KCNIP3: variants seen among roughly 807,000 people sequenced by gnomAD.
The protein encoded by KCNIP3 is potassium voltage-gated channel interacting protein 3.
A neutral mutation model predicts 35.0 loss-of-function variants in KCNIP3; 28 were observed. The ratio of observed to expected loss-of-function variants is 0.80; its 90% CI spans 0.59 to 1.10. The LOEUF is 1.10. KCNIP3 is among the 50% of genes least tolerant of loss of function. The pLI is 0.00. For missense variants in KCNIP3, 295 were observed against 338.4 expected, an observed-to-expected ratio of 0.87 and a Z score of 1.01; for synonymous variants, 134 against 133.8, an observed-to-expected ratio of 1.00 and a Z score of -0.01.
intron 2 of KCNIP3, among the ~76,000 whole-genome samples, chr2:95,342,589 G>A (rs945020438): frequency 1.3e-5 from 2 of 152,210 alleles, no homozygotes; most frequent in African/African-American, 4.8e-5. Context: ...CATGGGGCAC[G>A]CAGCGTTGCC....
chr2:95,328,535 C>T (rs1403134349), intron 2 of KCNIP3, among the ~76,000 whole-genome samples: 4 of 152,314 alleles, frequency 2.6e-5, no homozygotes, highest in South Asian at 4.1e-4. Context: ...GTGGGCTGGA[C>T]GCCGCTGCGT....
At chr2:95,373,216 A>C (rs550428736) in intron 2 of KCNIP3, among the ~76,000 whole-genome samples, 3 of 152,338 alleles carry the variant, frequency 2.0e-5, no homozygotes, top group African/African-American at 7.2e-5. Context: ...CTCTGTAATT[A>C]TGCGAGGATG....
chr2:95,374,489 C>A, intron 3 of KCNIP3, 69 bp downstream of exon 3: 1 of 1,564,368 alleles, frequency 6.4e-7, no homozygotes. Flanking sequence ...GAAACTTCTC[C>A]ATGCCACAGT....
chr2:95,321,935 A>G (rs1447651956), intron 2 of KCNIP3, among the ~76,000 whole-genome samples: 1 of 152,010 alleles, frequency 6.6e-6, no homozygotes, highest in Non-Finnish European at 1.5e-5. Context: ...GGGACCTCAA[A>G]GGCCACTCAA....
Position 95,375,151 on chromosome 2 carries a change from T to C in KCNIP3, c.390T>C (p.Tyr130=). 6.2e-7 allele frequency: 1 copy of C among 1,614,146 alleles called. No individual in the cohort carries two copies. The highest frequency in any genetic ancestry group is 8.5e-7 in the Non-Finnish European group (1 of 1,179,994). Residue 130 remains tyrosine, a synonymous_variant, in exon 5 of 9, where the codon TAT becomes TAC. Coordinates refer to ENST00000295225, the MANE Select transcript of KCNIP3 (RefSeq NM_013434.5). ...QFFPQGDATT[Y]AHFLFNAFDA... ...TGCCCTCCCCAGATGCCACCACCTA[T>C]GCACACTTCCTCTTCAACGCCTTTG...
chr2:95,350,397 G>A (rs1394922412), intron 2 of KCNIP3, among the ~76,000 whole-genome samples: 5 of 152,200 alleles, frequency 3.3e-5, no homozygotes, highest in South Asian at 2.1e-4. Flanking sequence ...TCTTGGTCAC[G>A]TTAGCACCCT....
chr2:95,314,996 A>T (rs1487969570), intron 2 of KCNIP3, among the ~76,000 whole-genome samples: 2 of 152,176 alleles, frequency 1.3e-5, no homozygotes, highest in Non-Finnish European at 2.9e-5. Context: ...CTGTTCTGTG[A>T]GGCCAGCTGC....
chr2:95,347,181 A>G, intron 2 of KCNIP3: 1 of 1,422,420 alleles, frequency 7.0e-7, no homozygotes, highest in South Asian at 1.2e-5. Flanking sequence ...GTCTGGAGGG[A>G]GGGACCAGTA....
intron 2 of KCNIP3, chr2:95,346,984 G>GCC: frequency 6.6e-7 from 1 of 1,522,952 alleles, no homozygotes. Context: ...CGAGGGGTGC[G>GCC]CCCGGGCCCC....
intron 2 of KCNIP3, among the ~76,000 whole-genome samples, chr2:95,335,414 T>C (rs1436519690): frequency 6.6e-6 from 1 of 152,256 alleles, no homozygotes; most frequent in Non-Finnish European, 1.5e-5. Flanking sequence ...TCTTCCATTG[T>C]ATTCTGGCTT....
intron 2 of KCNIP3, among the ~76,000 whole-genome samples, chr2:95,370,286 C>T (rs1401556891): frequency 1.3e-5 from 2 of 152,146 alleles, no homozygotes; most frequent in Non-Finnish European, 2.9e-5. Context: ...AATTATTGGC[C>T]AACTCATGTG....
intron 5 of KCNIP3, among the ~76,000 whole-genome samples, chr2:95,375,871 A>G (rs888731552): frequency 2.0e-5 from 3 of 152,206 alleles, no homozygotes; most frequent in Admixed American, 6.5e-5. Context: ...TTTGGGGAGG[A>G]AAACCTTTCT....
chr2:95,351,059 G>T (rs1679506817), intron 2 of KCNIP3, among the ~76,000 whole-genome samples: 1 of 152,250 alleles, frequency 6.6e-6, no homozygotes, highest in African/African-American at 2.4e-5. Context: ...GAGCTTGGTA[G>T]AAATGCATCT....
chr2:95,335,773 A>G (rs1270663263), intron 2 of KCNIP3, among the ~76,000 whole-genome samples: 1 of 152,028 alleles, frequency 6.6e-6, no homozygotes, highest in Admixed American at 6.6e-5. Flanking sequence ...TTCTAATTCC[A>G]TGCTTTTCTC....
intron 2 of KCNIP3, among the ~76,000 whole-genome samples, chr2:95,330,166 A>T (rs569761892): frequency 6.6e-6 from 1 of 152,178 alleles, no homozygotes; most frequent in Non-Finnish European, 1.5e-5. Flanking sequence ...GCGGCTCCCC[A>T]GGGTGCCCTG....
intron 5 of KCNIP3, among the ~76,000 whole-genome samples, chr2:95,379,377 T>G (rs895229571): frequency 6.6e-6 from 1 of 152,212 alleles, no homozygotes; most frequent in Non-Finnish European, 1.5e-5. Flanking sequence ...GCCCAGGCCC[T>G]TCTCCAGTCA....
intron 2 of KCNIP3, among the ~76,000 whole-genome samples, chr2:95,371,659 G>C (rs1468213533): frequency 2.0e-5 from 3 of 152,098 alleles, no homozygotes; most frequent in Non-Finnish European, 4.4e-5. Context: ...TCTCTCTTTA[G>C]TTCTGAATTT....
At position 95,384,859 on chromosome 2, in the gene KCNIP3, C is replaced by G. The variant is rs1196019570; in HGVS notation, c.*810C>G. On this transcript the variant is annotated 3_prime_UTR_variant, in exon 9 of 9. Coordinates refer to ENST00000295225, the MANE Select transcript of KCNIP3 (RefSeq NM_013434.5). ...GGATGAGCCTCTCCTTGCCCCAGTC[C>G]TGGTTCAGTGGGAATGCAGTGGGTG... is the stretch of plus-strand genomic sequence containing the variant. 2 of 152,686 alleles carry G rather than the reference C, an allele frequency of 1.3e-5. No homozygotes were observed. Among genetic ancestry groups the G allele is most frequent in the East Asian group, 1.9e-4 (1 of 5,188 alleles). 9.5% of individuals were successfully genotyped at this position (152,686 alleles called of 1,614,324 possible).
rs757840396 is a variant in KCNIP3, at chr2:95,381,740, C to T, written c.555+37C>T. 30 of 1,368,154 alleles carry T rather than the reference C, an allele frequency of 2.2e-5. 1 individual carries two copies. The South Asian group carries it at 3.2e-4, about 14-fold the overall frequency. 84.8% of individuals were successfully genotyped at this position (1,368,154 alleles called of 1,614,324 possible). On this transcript the variant is annotated intron_variant, in intron 6 of 8. Coordinates refer to ENST00000295225, the MANE Select transcript of KCNIP3 (RefSeq NM_013434.5). The stretch of plus-strand genomic sequence containing the variant: ...CTGGGGGCAGGGATTGTCCCCTCCT[C>T]CCCTCCTGCTGCTCCACCCCTCCCG...
Sources: gnomAD v4.1 joint callset for allele counts (sites outside exome capture counted in the v4.1 genomes callset) on GRCh38, gnomAD v4.1.1 for gene constraint, MANE v1.5 for transcripts, NCBI Gene and HGNC (gene_info 2026-07-23, HGNC 2026-07-21) for gene names.